The following B4GALT4 variants were observed in gnomAD, a reference collection of about 807,000 sequenced individuals.
The protein encoded by B4GALT4 is beta-1,4-galactosyltransferase 4.
B4GALT4 carries 27 observed loss-of-function variants against 37.3 expected under a neutral mutation model. The observed-to-expected ratio is 0.72, with a 90% CI of 0.53 to 1.00. The LOEUF (loss-of-function observed/expected upper bound fraction) is 1.00, where lower values mean the gene tolerates loss of function less well. Ranked by LOEUF, B4GALT4 falls within the 50% of genes least tolerant of loss-of-function variation. The probability of loss-of-function intolerance (pLI) is 0.00; values close to 1 mark genes in which losing one functional copy is unlikely to be tolerated. For missense variants in B4GALT4, 372 were observed against 413.1 expected (o/e 0.90, Z 0.86); for synonymous variants, 148 against 154.1 (o/e 0.96, Z 0.29).
chr3:119,221,810 C>G (rs1016764586), intron 5 of B4GALT4, among the ~76,000 whole-genome samples: 1 of 152,186 alleles, frequency 6.6e-6, no homozygotes, highest in African/African-American at 2.4e-5. Flanking sequence ...CATTCAATTA[C>G]CTGAATCATA....
intron 6 of B4GALT4, among the ~76,000 whole-genome samples, chr3:119,217,541 G>A (rs958905259): frequency 1.3e-5 from 2 of 152,102 alleles, no homozygotes; most frequent in Non-Finnish European, 2.9e-5. Context: ...AGAGCCCCAG[G>A]TTAGAAATTT....
chr3:119,213,628 G>A (rs2078216090), intron 7 of B4GALT4: 1 of 151,554 alleles, frequency 6.6e-6, no homozygotes, highest in Admixed American at 6.5e-5. Flanking sequence ...AGTGTTACTT[G>A]GGTAGGTGGA....
chr3:119,227,263 A>G (rs188944723), intron 3 of B4GALT4, among the ~76,000 whole-genome samples: 49 of 152,314 alleles, frequency 3.2e-4, no homozygotes, highest in Admixed American at 1.2e-3. Context: ...TGGATATATA[A>G]TATAAGCATT....
chr3:119,233,847 A>T (rs930356180), intron 2 of B4GALT4, among the ~76,000 whole-genome samples: 1 of 152,176 alleles, frequency 6.6e-6, no homozygotes, highest in Non-Finnish European at 1.5e-5. Flanking sequence ...GCTCTCCCAA[A>T]AACTGTACAG....
intron 3 of B4GALT4, among the ~76,000 whole-genome samples, chr3:119,228,858 C>G (rs2078716101): frequency 7.0e-6 from 1 of 143,094 alleles, no homozygotes; most frequent in African/African-American, 2.6e-5. Context: ...ATCTATCTAT[C>G]TCTGTCTTTC....
rs779397146 is a variant in B4GALT4, at chr3:119,227,015, G to C, written c.280C>G (p.Pro94Ala). The C allele has an allele frequency of 3.1e-6, 5 of 1,614,042 alleles. No homozygotes were observed. The highest frequency in any genetic ancestry group is 4.2e-6 in the Non-Finnish European group (5 of 1,180,034). The change falls in exon 4 of 8, where the codon CCA becomes GCA. Residue 94 changes from proline (P) to alanine (A), a missense_variant. Transcript: ENST00000393765. ...TGTACCTCTTCCAAAGTGAGATCTG[G>C]TTTGAAAATGAGCTTGCTCTGGCCT... ...LRGQSKLIFKPDLTLEEVQAE... is the reference protein window; with the variant it reads ...LRGQSKLIFKADLTLEEVQAE...
intron 5 of B4GALT4, among the ~76,000 whole-genome samples, chr3:119,222,132 G>C (rs896914925): frequency 2.0e-5 from 3 of 152,152 alleles, no homozygotes; most frequent in African/African-American, 7.2e-5. Context: ...GGTGCAACCA[G>C]GTGTTTAAAA....
At chr3:119,237,683 A>T (rs543548077) in intron 1 of B4GALT4, among the ~76,000 whole-genome samples, 1 of 152,248 alleles carries the variant, frequency 6.6e-6, no homozygotes, top group Non-Finnish European at 1.5e-5. Flanking sequence ...AAGGAAAAGC[A>T]GTAAGAAGAT....
chr3:119,218,053 G>A (rs1176088341), intron 6 of B4GALT4, among the ~76,000 whole-genome samples: 8 of 152,144 alleles, frequency 5.3e-5, no homozygotes, highest in African/African-American at 1.9e-4. Flanking sequence ...TGTGGGTGGA[G>A]GCCAGACTTA....
At chr3:119,224,329 G>A in intron 4 of B4GALT4, 84 bp from the exon 5 acceptor site, 2 of 1,027,644 alleles carry the variant, frequency 1.9e-6, no homozygotes, top group Middle Eastern at 2.5e-4. Context: ...TCAGGAGATG[G>A]TATTATTCTA....
chr3:119,224,268 T>C (rs763383886), intron 4 of B4GALT4, 23 bp from the exon 5 acceptor site: 2 of 1,552,270 alleles, frequency 1.3e-6, no homozygotes, highest in Non-Finnish European at 1.7e-6. Flanking sequence ...AAATTAAAAC[T>C]TGAAAAGCTC....
At position 119,237,594 on chromosome 3, in the gene B4GALT4, A is replaced by G. The variant is rs114956713; in HGVS notation, c.-363-524T>C. ...TCCCCAAATGATTCTTATCTGCATT[A>G]AAGTTTGAGAACCACTGATATAAGA... is the stretch of plus-strand genomic sequence containing the variant. On this transcript the variant is annotated intron_variant, in intron 1 of 7. Transcript: ENST00000393765. Among the ~76,000 whole-genome samples, 680 of 152,374 alleles carry G rather than the reference A, an allele frequency of 4.5e-3. 2 individuals are homozygous for G. The highest frequency in any genetic ancestry group is 0.014 in the African/African-American group (599 of 41,588).
In B4GALT4 at chr3:119,212,037, G is replaced by A. The variant is rs6774; in HGVS notation, c.*512C>T. The A allele has an allele frequency of 0.14, 90,335 of 650,820 alleles. 7,697 individuals carry two copies. Among genetic ancestry groups the A allele is most frequent in the Admixed American group, 0.27 (11,616 of 43,284 alleles). 40.3% of individuals were successfully genotyped at this position (650,820 alleles called of 1,614,324 possible). A position where few individuals can be genotyped will look rare whatever the true frequency, so the allele number is the denominator to read the frequency against. On this transcript the variant is annotated 3_prime_UTR_variant, in exon 8 of 8. Transcript: ENST00000393765. Reference sequence around the variant, plus strand: ...CAAGTTCACTGTGTCCTGATTCGTCGCCTTTTCTCCCCTCTTTTGTGGACG... The same window carrying A: ...CAAGTTCACTGTGTCCTGATTCGTCACCTTTTCTCCCCTCTTTTGTGGACG...
At chr3:119,230,556 C>G (rs547387184) in intron 2 of B4GALT4, among the ~76,000 whole-genome samples, 2 of 152,258 alleles carry the variant, frequency 1.3e-5, no homozygotes, top group South Asian at 4.1e-4. Context: ...TGGACACAGC[C>G]TAAGACATAG....
chr3:119,227,726 TTTTG>T (rs986061871), intron 3 of B4GALT4, among the ~76,000 whole-genome samples: 4 of 152,190 alleles, frequency 2.6e-5, no homozygotes, highest in East Asian at 1.9e-4. Context: ...GCTCAGGTTT[TTTTG>T]TTTGTTTGTT....
At position 119,218,688 on chromosome 3, in the gene B4GALT4, G is replaced by C; in HGVS notation, c.759C>G (p.Tyr253Ter). ...CATCGTCTTCGCCTCCCCATCCCCA[G>C]TAGTTGTTAGAGAATCCATTCACCT... ...FFKVNGFSNN[Y>*]WGWGGEDDDL... Residue 253 changes from tyrosine (Y) to a stop codon, truncating the protein, a stop_gained, in exon 6 of 8, where the codon TAC (tyrosine) becomes TAG (stop). Transcript: ENST00000393765. LOFTEE classifies it high-confidence loss of function. 6.2e-7 allele frequency: 1 copy of C among 1,614,190 alleles called. No individual in the cohort carries two copies. Among genetic ancestry groups the C allele is most frequent in the Non-Finnish European group, 8.5e-7 (1 of 1,180,028 alleles).
chr3:119,227,907 A>T (rs901525447), intron 3 of B4GALT4, among the ~76,000 whole-genome samples: 1 of 152,154 alleles, frequency 6.6e-6, no homozygotes, highest in Non-Finnish European at 1.5e-5. Context: ...GACCAGGCTC[A>T]CGTGTCTAAT....
At position 119,230,131 on chromosome 3, in the gene B4GALT4, C is replaced by T. The variant is rs72655931; in HGVS notation, c.-32G>A. On this transcript the variant is annotated 5_prime_UTR_variant, in exon 3 of 8. Coordinates refer to ENST00000393765, the MANE Select transcript of B4GALT4 (RefSeq NM_003778.4). ...TATTACGTGAATAATATCTATCTCT[C>T]TGCTTCACTGCAGGCAAGAAAGCTT... 1,392 of 1,608,096 alleles carry T rather than the reference C, an allele frequency of 8.7e-4. 5 individuals carry two copies. Among genetic ancestry groups the T allele is most frequent in the Non-Finnish European group, 1.1e-3 (1,262 of 1,176,182 alleles).
Position 119,229,836 on chromosome 3 carries a change from G to A in B4GALT4, c.253+11C>T. ...CATACTACTTAATCAAAGGAAAAAA[G>A]CAACACTTACTGAGGTAAGGAGACA... On this transcript the variant is annotated intron_variant, in intron 3 of 7. Transcript: ENST00000393765. 6.2e-7 allele frequency: 1 copy of A among 1,611,328 alleles called. No homozygotes were observed. The highest frequency in any genetic ancestry group is 1.1e-5 in the South Asian group (1 of 90,658).
Sources: allele counts gnomAD v4.1 joint callset (sites outside exome capture counted in the v4.1 genomes callset), GRCh38; gene constraint gnomAD v4.1.1; transcripts MANE v1.5; gene names NCBI Gene and HGNC (gene_info 2026-07-23, HGNC 2026-07-21).